Variants in CNBD1 observed in about 807,000 individuals in gnomAD.
CNBD1 encodes the protein cyclic nucleotide binding domain containing 1, also known as cyclic nucleotide-binding domain-containing protein 1.
In CNBD1, 71 loss-of-function variants were observed where a neutral mutation model predicts 54.4. The observed-to-expected ratio is 1.30, with a 90% CI of 1.08 to 1.59. CNBD1 has a LOEUF of 1.59. CNBD1 is among the 40% of genes most tolerant of loss of function. The probability of loss-of-function intolerance (pLI) is 0.00; values close to 1 mark genes in which losing one functional copy is unlikely to be tolerated. For synonymous variants in CNBD1, 182 were observed against 170.7 expected, an observed-to-expected ratio of 1.07 and a Z score of -0.51; for missense variants, 659 against 518.0, an observed-to-expected ratio of 1.27 and a Z score of -2.64.
At chr8:87,204,464 G>C (rs182889471) in intron 4 of CNBD1, among the ~76,000 whole-genome samples, 7 of 152,094 alleles carry the variant, frequency 4.6e-5, no homozygotes, top group Non-Finnish European at 1.0e-4. Context: ...TTGCTACATG[G>C]GATGAGGAAG....
chr8:86,998,697 T>A (rs961038197), intron 4 of CNBD1, among the ~76,000 whole-genome samples: 3 of 152,198 alleles, frequency 2.0e-5, no homozygotes, highest in Non-Finnish European at 2.9e-5. Flanking sequence ...CCATGTTTGA[T>A]TTTAAATTTA....
intron 1 of CNBD1, among the ~76,000 whole-genome samples, chr8:86,883,052 GA>G (rs1215475520): frequency 6.6e-6 from 1 of 151,904 alleles, no homozygotes; most frequent in East Asian, 1.9e-4. Context: ...GATAGGACCA[GA>G]AAAAATAACT....
At chr8:86,993,339 C>T (rs1249657991) in intron 4 of CNBD1, among the ~76,000 whole-genome samples, 1 of 151,518 alleles carries the variant, frequency 6.6e-6, no homozygotes, top group Admixed American at 6.6e-5. Flanking sequence ...AAATGGCTTT[C>T]TTTCATCTCT....
chr8:87,146,723 A>G (rs1812498314), intron 4 of CNBD1, among the ~76,000 whole-genome samples: 1 of 152,080 alleles, frequency 6.6e-6, no homozygotes, highest in Non-Finnish European at 1.5e-5. Flanking sequence ...CATTCAAACA[A>G]ACAATGTCTT....
chr8:87,051,474 G>A (rs889652925), intron 4 of CNBD1, among the ~76,000 whole-genome samples: 2 of 152,168 alleles, frequency 1.3e-5, no homozygotes, highest in African/African-American at 2.4e-5. Flanking sequence ...TGGGAAATCA[G>A]GGGTCTCACA....
At chr8:87,391,029 G>C (rs1811297898) in intron 2 of CNBD1, among the ~76,000 whole-genome samples, 2 of 151,018 alleles carry the variant, frequency 1.3e-5, no homozygotes, top group Admixed American at 1.3e-4. Flanking sequence ...CTCATAGGTG[G>C]GAATTGAACA....
At chr8:87,115,140 A>G (rs891975265) in intron 4 of CNBD1, among the ~76,000 whole-genome samples, 4 of 152,234 alleles carry the variant, frequency 2.6e-5, no homozygotes, top group African/African-American at 7.2e-5. Flanking sequence ...TGAGCCATCA[A>G]TAGATGGAGA....
intron 8 of CNBD1, 105 bp from the exon 9 acceptor site, chr8:87,351,580 A>G: frequency 1.9e-6 from 2 of 1,058,994 alleles, no homozygotes; most frequent in South Asian, 1.9e-5. Flanking sequence ...GAAACTTACT[A>G]TTAATAGTTA....
intron 4 of CNBD1, among the ~76,000 whole-genome samples, chr8:87,149,603 G>A (rs1812560628): frequency 6.6e-6 from 1 of 152,046 alleles, no homozygotes; most frequent in Admixed American, 6.6e-5. Context: ...TTAAATTTCA[G>A]GTATCTTGAC....
intron 4 of CNBD1, among the ~76,000 whole-genome samples, chr8:87,030,751 A>C (rs1027372145): frequency 6.6e-6 from 1 of 152,054 alleles, no homozygotes; most frequent in African/African-American, 2.4e-5. Context: ...GATAAGATGG[A>C]GGGACACACA....
intron 8 of CNBD1, among the ~76,000 whole-genome samples, chr8:87,325,700 T>C (rs1490629893): frequency 1.1e-4 from 16 of 142,264 alleles, no homozygotes; most frequent in Non-Finnish European, 2.0e-4. Flanking sequence ...TGTGTGTCTC[T>C]GCATGTGAGA....
At chr8:86,956,609 C>T (rs1383105005) in intron 4 of CNBD1, among the ~76,000 whole-genome samples, 2 of 152,126 alleles carry the variant, frequency 1.3e-5, no homozygotes, top group African/African-American at 4.8e-5. Context: ...AATGGGAGTT[C>T]ATTCATGATT....
At chr8:87,241,294 G>GTT (rs1807698087) in intron 6 of CNBD1, among the ~76,000 whole-genome samples, 1 of 88,194 alleles carries the variant, frequency 1.1e-5, no homozygotes, top group Admixed American at 1.1e-4. Context: ...TTTTTTTTGA[G>GTT]GAGTCTCGCT....
At chr8:86,957,535 A>G (rs1407906348) in intron 4 of CNBD1, among the ~76,000 whole-genome samples, 1 of 152,130 alleles carries the variant, frequency 6.6e-6, no homozygotes, top group Non-Finnish European at 1.5e-5. Flanking sequence ...CAGGGATTCA[A>G]CTTCTTCCTG....
At chr8:86,907,665 TAA>T (rs559202656) in intron 3 of CNBD1, among the ~76,000 whole-genome samples, 1 of 139,764 alleles carries the variant, frequency 7.2e-6, no homozygotes. Context: ...TGACTCTATC[TAA>T]AAAAAAAACA....
At chr8:87,276,764 G>C (rs1265182447) in intron 6 of CNBD1, among the ~76,000 whole-genome samples, 2 of 151,742 alleles carry the variant, frequency 1.3e-5, no homozygotes, top group African/African-American at 2.4e-5. Flanking sequence ...ACATTATTTC[G>C]AGCCAGACAT....
rs914651099 is a variant in CNBD1 at position 87,177,466 on chromosome 8, C to T, written c.432-28527C>T. Among the ~76,000 whole-genome samples, 3 of 152,166 alleles carry T rather than the reference C, an allele frequency of 2.0e-5. No individual in the cohort carries two copies. The East Asian group carries it at 5.8e-4, about 29-fold the overall frequency. ...TATTTTTTCTTCAAGAATTTTAATA[C>T]TGAAGTTTTTTTATTAGCACAATTG... On this transcript the variant is annotated intron_variant, in intron 4 of 10. Coordinates refer to ENST00000518476, the MANE Select transcript of CNBD1 (RefSeq NM_173538.3).
At chr8:87,141,413 T>A (rs1812367222) in intron 4 of CNBD1, among the ~76,000 whole-genome samples, 1 of 152,144 alleles carries the variant, frequency 6.6e-6, no homozygotes, top group Admixed American at 6.6e-5. Flanking sequence ...GTTGACAGAA[T>A]ATTATAAAAG....
intron 4 of CNBD1, among the ~76,000 whole-genome samples, chr8:87,169,484 C>T (rs1304761138): frequency 6.6e-6 from 1 of 151,936 alleles, no homozygotes; most frequent in Non-Finnish European, 1.5e-5. Flanking sequence ...TCTTCGCCCA[C>T]CCTAACCTCC....
Sources: allele counts gnomAD v4.1 joint callset (sites outside exome capture counted in the v4.1 genomes callset), GRCh38; gene constraint gnomAD v4.1.1; transcripts MANE v1.5; gene names NCBI Gene and HGNC (gene_info 2026-07-23, HGNC 2026-07-21).